MAP2K5: variants seen among roughly 807,000 people sequenced by gnomAD.
MAP2K5 encodes the protein mitogen-activated protein kinase kinase 5.
In MAP2K5, 49 loss-of-function variants were observed where a neutral mutation model predicts 83.1. The ratio of observed to expected loss-of-function variants is 0.59; its 90% CI spans 0.47 to 0.75. The LOEUF is 0.75. MAP2K5 is among the 30% of genes least tolerant of loss of function. The pLI is 0.00. For synonymous variants in MAP2K5, 202 were observed against 191.8 expected (o/e 1.05, Z -0.44); for missense variants, 457 against 557.5 (o/e 0.82, Z 1.82).
chr15:67,661,066 T>G (rs370185442), intron 12 of MAP2K5, among the ~76,000 whole-genome samples: 20 of 152,048 alleles, frequency 1.3e-4, no homozygotes, highest in African/African-American at 4.3e-4. Context: ...GGTTCATAGG[T>G]CCAAGGTTCA....
At chr15:67,674,004 A>G (rs1347412417) in intron 13 of MAP2K5, among the ~76,000 whole-genome samples, 1 of 152,078 alleles carries the variant, frequency 6.6e-6, no homozygotes, top group Non-Finnish European at 1.5e-5. Context: ...ACGTGCCTCC[A>G]TGCCCGGCTA....
intron 13 of MAP2K5, among the ~76,000 whole-genome samples, chr15:67,684,811 A>G (rs2087910843): frequency 6.6e-6 from 1 of 152,214 alleles, no homozygotes; most frequent in South Asian, 2.1e-4. Context: ...CTGAAATAAA[A>G]ATTTCATTGA....
chr15:67,698,056 A>C lies in MAP2K5; in HGVS notation c.972+4488A>C, dbSNP rs969765228. Among the ~76,000 whole-genome samples, 16 of 152,222 alleles carry C rather than the reference A, an allele frequency of 1.1e-4. No individual in the cohort carries two copies. The highest frequency in any genetic ancestry group is 7.9e-4 in the Admixed American group (12 of 15,280). On this transcript the variant is annotated intron_variant, in intron 15 of 21. Transcript: ENST00000178640. This position sits in a 1 kb window ranked among gnomAD's most constrained non-coding sequence, Gnocchi z 4.5. ...ACTGTTTTTTAGGGGCAGATAATTAATAGGTTCAATAGATACCTTCATCCA... is the reference window on the plus strand; with the variant it reads ...ACTGTTTTTTAGGGGCAGATAATTACTAGGTTCAATAGATACCTTCATCCA...
intron 8 of MAP2K5, among the ~76,000 whole-genome samples, chr15:67,610,694 G>A (rs1384188376): frequency 2.6e-5 from 4 of 152,072 alleles, no homozygotes; most frequent in Non-Finnish European, 5.9e-5. Context: ...AGTGAAATAT[G>A]TTTAGGTTCT....
intron 3 of MAP2K5, among the ~76,000 whole-genome samples, chr15:67,569,028 AAAAAC>A (rs2084901038): frequency 2.0e-5 from 3 of 151,710 alleles, no homozygotes; most frequent in African/African-American, 7.3e-5. Context: ...AACAAAAAAA[AAAAAC>A]AAAACTCTGT....
chr15:67,699,726 G>A (rs969393498), intron 15 of MAP2K5, among the ~76,000 whole-genome samples: 1 of 152,184 alleles, frequency 6.6e-6, no homozygotes, highest in Non-Finnish European at 1.5e-5. Context: ...AGCAGGAACA[G>A]CAGGCAGCAG....
At chr15:67,608,418 T>C (rs190586303) in intron 8 of MAP2K5, among the ~76,000 whole-genome samples, 1 of 152,246 alleles carries the variant, frequency 6.6e-6, no homozygotes, top group East Asian at 1.9e-4. Context: ...GTGTCAGATG[T>C]TGGGGACAGC....
At chr15:67,545,920 C>T (rs2084380309) in intron 1 of MAP2K5, among the ~76,000 whole-genome samples, 1 of 152,190 alleles carries the variant, frequency 6.6e-6, no homozygotes, top group South Asian at 2.1e-4. Flanking sequence ...CTTGGGTCTT[C>T]TGTTTCTTGA....
chr15:67,693,110 G>A (rs2088157739), intron 14 of MAP2K5, among the ~76,000 whole-genome samples: 1 of 152,194 alleles, frequency 6.6e-6, no homozygotes, highest in Non-Finnish European at 1.5e-5. Flanking sequence ...GTCAAAGTCT[G>A]TTATCCCTCC....
At chr15:67,642,493 T>A (rs1380436990) in intron 9 of MAP2K5, 1 of 1,534,496 alleles carries the variant, frequency 6.5e-7, no homozygotes, top group Admixed American at 1.7e-5. Context: ...ATGGAGGACT[T>A]TGAGGTGAGC....
At chr15:67,800,949 T>A (rs1424394847) in intron 21 of MAP2K5, among the ~76,000 whole-genome samples, 2 of 152,310 alleles carry the variant, frequency 1.3e-5, no homozygotes, top group East Asian at 3.9e-4. Flanking sequence ...AGATCACCAG[T>A]ATTCAGTGTA....
chr15:67,767,840 C>T (rs1303375945), intron 19 of MAP2K5, among the ~76,000 whole-genome samples: 1 of 152,146 alleles, frequency 6.6e-6, no homozygotes, highest in Non-Finnish European at 1.5e-5. Flanking sequence ...GTAATGCCTG[C>T]GTGTAATCCT....
chr15:67,772,844 C>A, intron 21 of MAP2K5, 92 bp downstream of exon 21: 4 of 1,012,792 alleles, frequency 3.9e-6, no homozygotes, highest in Non-Finnish European at 4.3e-6. Context: ...TTTGAAACAG[C>A]CATAGGCTCT....
Position 67,786,663 on chromosome 15 carries a change from C to T in MAP2K5, c.1242+13911C>T, listed in dbSNP as rs2090423974. ...CAGAACTTGGAAAGTGGTGGTACAA[C>T]AGAAAGCCAGCTTCTCCCCTCCCTC... On this transcript the variant is annotated intron_variant, in intron 21 of 21. Coordinates refer to ENST00000178640, the MANE Select transcript of MAP2K5 (RefSeq NM_145160.3). This position sits in a 1 kb window ranked among gnomAD's most constrained non-coding sequence, Gnocchi z 4.7. Among the ~76,000 whole-genome samples, 1 of 152,178 alleles carries T rather than the reference C, an allele frequency of 6.6e-6. No homozygotes were observed.
intron 19 of MAP2K5, among the ~76,000 whole-genome samples, chr15:67,754,984 T>A (rs2089804612): frequency 6.6e-6 from 1 of 152,154 alleles, no homozygotes; most frequent in Non-Finnish European, 1.5e-5. Flanking sequence ...TATTGATTGA[T>A]TGATTGAGAT....
intron 8 of MAP2K5, chr15:67,628,380 T>A: frequency 1.9e-6 from 1 of 529,900 alleles, no homozygotes; most frequent in Non-Finnish European, 3.3e-6. Flanking sequence ...CTCGGGAGGC[T>A]GAGGCAGGAG....
chr15:67,612,382 T>C (rs2085945616), intron 8 of MAP2K5, among the ~76,000 whole-genome samples: 1 of 152,182 alleles, frequency 6.6e-6, no homozygotes, highest in African/African-American at 2.4e-5. Flanking sequence ...GTTTATATAT[T>C]TTTGTAACTC....
In MAP2K5 at chr15:67,741,716, A is replaced by G. The variant is rs192230039; in HGVS notation, c.1075-6515A>G. 5.9e-3 allele frequency among the ~76,000 whole-genome samples: 892 copies of G among 152,268 alleles called. 12 individuals carry two copies. Among genetic ancestry groups the G allele is most frequent in the African/African-American group, 0.02 (831 of 41,538 alleles). On this transcript the variant is annotated intron_variant, in intron 17 of 21. Transcript: ENST00000178640. ...AGGGGAGAAGGATAGAGGGCAACCA[A>G]AATACCAACTGATCATAAGGAAGAA...
intron 13 of MAP2K5, among the ~76,000 whole-genome samples, chr15:67,667,890 T>G (rs1336599852): frequency 6.6e-6 from 1 of 152,140 alleles, no homozygotes; most frequent in East Asian, 1.9e-4. Context: ...ACCTGGAGTC[T>G]CTCCCGTAGT....
Sources: allele counts gnomAD v4.1 joint callset (sites outside exome capture counted in the v4.1 genomes callset), GRCh38; gene constraint gnomAD v4.1.1; non-coding constraint Gnocchi (gnomAD v3.1); transcripts MANE v1.5; gene names NCBI Gene and HGNC (gene_info 2026-07-23, HGNC 2026-07-21).